CIMAP1D: variants seen among roughly 807,000 people sequenced by gnomAD.
The protein encoded by CIMAP1D is CIMAP1 family member D.
the CIMAP1D span, chr19:472,591 C>T: frequency 1.1e-6 from 1 of 917,016 alleles, no homozygotes; most frequent in Admixed American, 3.3e-5. Flanking sequence ...AGCCTGGGTT[C>T]CCCTCTCCCT....
the CIMAP1D span, among the ~76,000 whole-genome samples, chr19:478,363 C>T: frequency 6.6e-6 from 1 of 151,720 alleles, no homozygotes; most frequent in African/African-American, 2.4e-5. Flanking sequence ...GGTTCCAGCC[C>T]GGACTCGGCC....
the CIMAP1D span, among the ~76,000 whole-genome samples, chr19:488,499 G>A: frequency 1.3e-5 from 2 of 152,220 alleles, no homozygotes; most frequent in East Asian, 1.9e-4. Context: ...TCCAGCCTGG[G>A]CGACAGAGCG....
the CIMAP1D span, among the ~76,000 whole-genome samples, chr19:475,986 A>ATTTT: frequency 0.012 from 466 of 39,272 alleles, 112 homozygotes; most frequent in African/African-American, 0.017. Flanking sequence ...CGCCTGGCTA[A>ATTTT]TTTTTTTTTT....
At chr19:477,563 A>C in the CIMAP1D span, among the ~76,000 whole-genome samples, 1 of 150,988 alleles carries the variant, frequency 6.6e-6, no homozygotes, top group Non-Finnish European at 1.5e-5. Flanking sequence ...CTCCAGCCTG[A>C]GTGACAGAGC....
At chr19:463,829 G>A in the CIMAP1D span, 7 of 1,602,224 alleles carry the variant, frequency 4.4e-6, no homozygotes, top group Middle Eastern at 2.1e-4. Flanking sequence ...TCACTGTGTG[G>A]GAAACAGGCC....
chr19:468,926 C>A, the CIMAP1D span, among the ~76,000 whole-genome samples: 1 of 135,440 alleles, frequency 7.4e-6, no homozygotes, highest in Admixed American at 7.7e-5. Context: ...GTGGCCCAGA[C>A]ACGGCTCCAG....
the CIMAP1D span, among the ~76,000 whole-genome samples, chr19:469,081 C>T: frequency 6.6e-6 from 1 of 152,216 alleles, no homozygotes; most frequent in Admixed American, 6.5e-5. Flanking sequence ...GCTCACTGGC[C>T]AGACTCCAAG....
chr19:488,124 G>T, the CIMAP1D span, among the ~76,000 whole-genome samples: 1 of 152,156 alleles, frequency 6.6e-6, no homozygotes, highest in African/African-American at 2.4e-5. Flanking sequence ...CTTGGGACAG[G>T]AGTCTTGCCG....
the CIMAP1D span, among the ~76,000 whole-genome samples, chr19:470,413 A>G: frequency 3.3e-5 from 5 of 150,742 alleles, no homozygotes; most frequent in African/African-American, 1.2e-4. Context: ...GAGTTTCACC[A>G]TGTTAGCCAG....
the CIMAP1D span, chr19:472,595 T>A: frequency 1.1e-6 from 1 of 879,304 alleles, no homozygotes. Context: ...TGGGTTCCCC[T>A]CTCCCTCCAT....
the CIMAP1D span, among the ~76,000 whole-genome samples, chr19:481,538 G>A: frequency 2.8e-5 from 2 of 72,702 alleles, no homozygotes; most frequent in African/African-American, 9.3e-5. Context: ...AAGGATGATG[G>A]AGGATGATGG....
At chr19:472,512 A>G in the CIMAP1D span, 13 of 1,532,772 alleles carry the variant, frequency 8.5e-6, no homozygotes, top group Non-Finnish European at 1.1e-5. Context: ...CTGCAGCCCA[A>G]AGCCCTCAGG....
chr19:475,198 G>A, the CIMAP1D span, among the ~76,000 whole-genome samples: 2,423 of 152,300 alleles, frequency 0.016, 31 homozygotes, highest in Middle Eastern at 0.041. Context: ...CACAGCCCAA[G>A]GTCATACAGC....
chr19:467,814 C>T, the CIMAP1D span: 1 of 1,207,762 alleles, frequency 8.3e-7, no homozygotes, highest in Non-Finnish European at 1.2e-6. Context: ...CAGTGCCTGC[C>T]CCACCGCCCG....
At chr19:477,488 C>T in the CIMAP1D span, among the ~76,000 whole-genome samples, 2 of 150,662 alleles carry the variant, frequency 1.3e-5, no homozygotes, top group African/African-American at 5.0e-5. Context: ...GCAGGAGACT[C>T]GCTTGAACCC....
the CIMAP1D span, chr19:464,438 C>T: frequency 1.2e-6 from 1 of 859,280 alleles, no homozygotes; most frequent in Non-Finnish European, 1.9e-6. Flanking sequence ...TCCCCATGGC[C>T]CACATGCACC....
At chr19:474,871 A>C in the CIMAP1D span, 1 of 805,592 alleles carries the variant, frequency 1.2e-6, no homozygotes, top group Non-Finnish European at 1.8e-6. Flanking sequence ...ACACCCTCCC[A>C]CGACCACAGC....
chr19:479,268 A>G, the CIMAP1D span, among the ~76,000 whole-genome samples: 4 of 152,314 alleles, frequency 2.6e-5, no homozygotes, highest in East Asian at 7.7e-4. Flanking sequence ...CCTGTGATCA[A>G]TTAAGCAGCT....
At chr19:463,881 C>T in the CIMAP1D span, 14 of 1,610,694 alleles carry the variant, frequency 8.7e-6, no homozygotes, top group South Asian at 2.2e-5. Flanking sequence ...CCCCGCAGGC[C>T]GGGAGGGCGT....
Sources: gnomAD v4.1 joint callset for allele counts (sites outside exome capture counted in the v4.1 genomes callset) on GRCh38, gnomAD v4.1.1 for gene constraint, MANE v1.5 for transcripts, NCBI Gene and HGNC (gene_info 2026-07-23, HGNC 2026-07-21) for gene names.